Variants in KLRG1 observed in about 807,000 individuals in gnomAD.
KLRG1 encodes the protein killer cell lectin like receptor G1.
In KLRG1, 16 loss-of-function variants were observed where a neutral mutation model predicts 21.8. That is an observed-to-expected ratio of 0.73 (90% CI 0.50 to 1.11). The LOEUF is 1.11. Ranked by LOEUF, KLRG1 falls within the 50% of genes most tolerant of loss-of-function variation. The probability of loss-of-function intolerance (pLI) is 0.00; values close to 1 mark genes in which losing one functional copy is unlikely to be tolerated. For synonymous variants in KLRG1, 69 were observed against 75.9 expected (o/e 0.91, Z 0.47); for missense variants, 173 against 218.3 (o/e 0.79, Z 1.31).
At chr12:9,020,405 C>T in the KLRG1 span, among the ~76,000 whole-genome samples, 1 of 152,164 alleles carries the variant, frequency 6.6e-6, no homozygotes, top group South Asian at 2.1e-4. Context: ...TCCCTTTCCT[C>T]CCTGTCCCCT....
intron 1 of KLRG1, among the ~76,000 whole-genome samples, chr12:8,954,700 G>A (rs1946259774): frequency 6.6e-6 from 1 of 151,988 alleles, no homozygotes; most frequent in Non-Finnish European, 1.5e-5. Flanking sequence ...AGCAGACAGA[G>A]CTAGGAAATT....
At chr12:9,000,195 A>G (rs1947263956) in intron 3 of KLRG1, among the ~76,000 whole-genome samples, 1 of 152,196 alleles carries the variant, frequency 6.6e-6, no homozygotes, top group African/African-American at 2.4e-5. Flanking sequence ...GAAATCTGAG[A>G]TGACATGTCA....
At chr12:9,000,603 T>G (rs1276261268) in intron 3 of KLRG1, among the ~76,000 whole-genome samples, 1 of 152,246 alleles carries the variant, frequency 6.6e-6, no homozygotes, top group Non-Finnish European at 1.5e-5. Flanking sequence ...CTATTCTACT[T>G]ACCATATCTA....
the KLRG1 span, among the ~76,000 whole-genome samples, chr12:9,213,827 A>G: frequency 1.3e-5 from 2 of 152,132 alleles, no homozygotes; most frequent in South Asian, 2.1e-4. Flanking sequence ...AGAAGTTTTT[A>G]GTTTTAATAA....
chr12:9,073,811 GA>G, the KLRG1 span, among the ~76,000 whole-genome samples: 2 of 152,078 alleles, frequency 1.3e-5, no homozygotes, highest in Non-Finnish European at 2.9e-5. Flanking sequence ...TAGGGGGCTG[GA>G]CGCAGTGGCT....
intron 1 of KLRG1, among the ~76,000 whole-genome samples, chr12:8,967,074 C>G (rs781147509): frequency 8.0e-5 from 12 of 150,054 alleles, no homozygotes; most frequent in Non-Finnish European, 1.6e-4. Context: ...TCTCAGCAAA[C>G]TATTGCAAGG....
At chr12:9,039,325 AT>A in the KLRG1 span, among the ~76,000 whole-genome samples, 1 of 152,354 alleles carries the variant, frequency 6.6e-6, no homozygotes, top group East Asian at 1.9e-4. Flanking sequence ...AGAAAGTGAG[AT>A]TGTATTTTCC....
chr12:9,154,417 A>G, the KLRG1 span, among the ~76,000 whole-genome samples: 32 of 152,368 alleles, frequency 2.1e-4, no homozygotes, highest in Non-Finnish European at 3.8e-4. Context: ...TGTTGCTAAT[A>G]TATTAACATA....
intron 1 of KLRG1, among the ~76,000 whole-genome samples, 167 bp downstream of exon 1, chr12:8,989,884 G>T (rs1386284579): frequency 6.6e-6 from 1 of 152,226 alleles, no homozygotes; most frequent in African/African-American, 2.4e-5. Flanking sequence ...AAAAGTTGGT[G>T]TATGGTACAG....
the KLRG1 span, among the ~76,000 whole-genome samples, chr12:9,137,943 A>G: frequency 6.6e-6 from 1 of 152,148 alleles, no homozygotes; most frequent in Non-Finnish European, 1.5e-5. Context: ...TTTTTAATAC[A>G]TAATATAATG....
chr12:9,014,301 A>T (rs1368653207), downstream of KLRG1, among the ~76,000 whole-genome samples: 1 of 152,182 alleles, frequency 6.6e-6, no homozygotes, highest in East Asian at 1.9e-4. Flanking sequence ...AAATAAGACT[A>T]CATTTAATAA....
the KLRG1 span, among the ~76,000 whole-genome samples, chr12:9,049,901 T>A: frequency 6.6e-6 from 1 of 152,208 alleles, no homozygotes; most frequent in South Asian, 2.1e-4. Flanking sequence ...TATGTATCAG[T>A]ATATGTCTTT....
chr12:9,197,015 T>C, the KLRG1 span: 2 of 1,602,466 alleles, frequency 1.2e-6, no homozygotes, highest in South Asian at 1.1e-5. Context: ...TACTAACCTG[T>C]TGACTGAATT....
chr12:9,166,075 C>G, the KLRG1 span: 2 of 1,609,906 alleles, frequency 1.2e-6, no homozygotes, highest in South Asian at 2.2e-5. Flanking sequence ...ACTCCCAGAT[C>G]CAAGTCTCAG....
At chr12:9,120,576 G>A in the KLRG1 span, among the ~76,000 whole-genome samples, 7 of 152,202 alleles carry the variant, frequency 4.6e-5, no homozygotes, top group African/African-American at 1.7e-4. Context: ...TGTACCAATT[G>A]TACAGTTAGC....
chr12:9,026,669 G>T, the KLRG1 span, among the ~76,000 whole-genome samples: 1 of 151,692 alleles, frequency 6.6e-6, no homozygotes, highest in Admixed American at 6.6e-5. Flanking sequence ...CTCTATCAGG[G>T]TTTTTTTCTT....
chr12:9,138,842 C>CT, the KLRG1 span, among the ~76,000 whole-genome samples: 22 of 150,118 alleles, frequency 1.5e-4, no homozygotes, highest in East Asian at 7.8e-4. Flanking sequence ...TCTTTCATTT[C>CT]TTTTTTTTTA....
chr12:9,021,405 T>TC, the KLRG1 span, among the ~76,000 whole-genome samples: 1 of 145,580 alleles, frequency 6.9e-6, no homozygotes, highest in Non-Finnish European at 1.5e-5. Context: ...TTTTTACTCT[T>TC]TTTTTTTTTT....
the KLRG1 span, among the ~76,000 whole-genome samples, chr12:9,141,091 A>G: frequency 2.0e-5 from 3 of 152,228 alleles, no homozygotes; most frequent in East Asian, 1.9e-4. Context: ...TATAGTAGCC[A>G]TAAAGTTACA....
Sources: gnomAD v4.1 joint callset for allele counts (sites outside exome capture counted in the v4.1 genomes callset) on GRCh38, gnomAD v4.1.1 for gene constraint, MANE v1.5 for transcripts, NCBI Gene and HGNC (gene_info 2026-07-23, HGNC 2026-07-21) for gene names.